SCNN1A: variants seen among roughly 807,000 people sequenced by gnomAD.
SCNN1A encodes epithelial sodium channel subunit alpha.
Under a neutral mutation model 68.6 loss-of-function variants are expected in SCNN1A, and 65 were observed. The ratio of observed to expected loss-of-function variants is 0.95; its 90% confidence interval spans 0.78 to 1.16. The LOEUF is 1.16. Ranked by LOEUF, SCNN1A falls within the 50% of genes most tolerant of loss-of-function variation. The pLI is 0.00. For missense variants in SCNN1A, 880 were observed against 865.9 expected, an observed-to-expected ratio of 1.02 and a Z score of -0.20; for synonymous variants, 357 against 353.3, an observed-to-expected ratio of 1.01 and a Z score of -0.12.
chr12:6,348,331 C>G (rs1948301168), intron 12 of SCNN1A, 78 bp from the exon 13 acceptor site: 2 of 1,606,716 alleles, frequency 1.2e-6, no homozygotes. Context: ...CTTCCCTCCT[C>G]ACCAAGCTGT....
At position 6,372,866 on chromosome 12, in the gene SCNN1A, TAA is replaced by T. The variant is rs1948818824; in HGVS notation, c.416+1500_416+1501del. ...ACTCAAAGCCCCACATCTTGGGTAT[TAA>T]AAAGAGGCAGAGTTTTGGGATTAGG... On this transcript the variant is annotated intron_variant, in intron 2 of 12. Coordinates refer to ENST00000228916, the MANE Select transcript of SCNN1A (RefSeq NM_001038.6). The surrounding 1 kb of genome is among the most constrained non-coding windows in gnomAD (Gnocchi z 5.8). Among the ~76,000 whole-genome samples, 1 of 152,190 alleles carries T rather than the reference TAA, an allele frequency of 6.6e-6. No individual in the cohort carries two copies. Among genetic ancestry groups the T allele is most frequent in the Admixed American group, 6.5e-5 (1 of 15,280 alleles).
At chr12:6,370,324 C>G (rs1479565723) in intron 2 of SCNN1A, among the ~76,000 whole-genome samples, 2 of 152,190 alleles carry the variant, frequency 1.3e-5, no homozygotes, top group East Asian at 3.9e-4. Flanking sequence ...CCTCCCAGCT[C>G]TGAAGCATCT....
chr12:6,349,140 A>G (rs564498487), intron 10 of SCNN1A, 24 bp downstream of exon 10: 1 of 1,610,434 alleles, frequency 6.2e-7, no homozygotes, highest in Admixed American at 1.7e-5. Context: ...CACATCCCCC[A>G]CCCATCCCTT....
rs1437812086 is a variant in SCNN1A at position 6,351,828 on chromosome 12, T to C, written c.1361-2423A>G. ...AGGCTGGAGTGCAGTGGCCTGATCATGGCTCACTGCAGCCTTGACCTCCTG... is the reference window on the plus strand; with the variant it reads ...AGGCTGGAGTGCAGTGGCCTGATCACGGCTCACTGCAGCCTTGACCTCCTG... On this transcript the variant is annotated intron_variant, in intron 8 of 12. Coordinates refer to ENST00000228916, the MANE Select transcript of SCNN1A (RefSeq NM_001038.6). The surrounding 1 kb of genome is among the most constrained non-coding windows in gnomAD (Gnocchi z 4.2). 6.6e-5 allele frequency among the ~76,000 whole-genome samples: 10 copies of C among 151,968 alleles called. No individual in the cohort carries two copies. Among genetic ancestry groups the C allele is most frequent in the Admixed American group, 4.6e-4 (7 of 15,256 alleles).
Position 6,375,528 on chromosome 12 carries a change from G to A in SCNN1A, c.-78C>T. 1.3e-6 allele frequency: 2 copies of A among 1,535,380 alleles called. No homozygotes were observed. Among genetic ancestry groups the A allele is most frequent in the South Asian group, 2.4e-5 (2 of 84,050 alleles). ...ACCTGACAGGTGCAGCGGCCTGGCTGGGGAGCCCGCCCGCTGGCCGGCCAG... is the reference window on the plus strand; with the variant it reads ...ACCTGACAGGTGCAGCGGCCTGGCTAGGGAGCCCGCCCGCTGGCCGGCCAG... On this transcript the variant is annotated 5_prime_UTR_variant, in exon 1 of 13. Transcript: ENST00000228916.
Position 6,349,167 on chromosome 12 carries a change from G to A in SCNN1A, c.1494C>T (p.Ser498=). The change falls in exon 10 of 13, where the codon TCC becomes TCT. Residue 498 remains serine (S), a synonymous_variant. Transcript: ENST00000228916. ...AGYSRWPSVT[S]QEWVFQMLSR... The stretch of plus-strand genomic sequence containing the variant: ...CCATCCCTTCCCCACACTCTACCTG[G>A]GATGTCACCGAGGGCCATCGTGAGT... 5 of 1,613,948 alleles carry A rather than the reference G, an allele frequency of 3.1e-6. No individual in the cohort carries two copies. The highest frequency in any genetic ancestry group is 1.1e-5 in the South Asian group (1 of 91,080).
intron 8 of SCNN1A, among the ~76,000 whole-genome samples, chr12:6,352,877 C>T (rs921937281): frequency 2.6e-5 from 4 of 152,216 alleles, no homozygotes; most frequent in East Asian, 1.9e-4. Flanking sequence ...TGAGACAATC[C>T]GCTGCCTTTG....
chr12:6,367,867 G>A (rs571233267), intron 2 of SCNN1A, among the ~76,000 whole-genome samples: 6 of 152,134 alleles, frequency 3.9e-5, no homozygotes, highest in Non-Finnish European at 8.8e-5. Flanking sequence ...ATTAACCACC[G>A]TCTAGTCCAG....
chr12:6,353,699 C>G (rs1398653863), intron 8 of SCNN1A: 1 of 87,030 alleles, frequency 1.1e-5, no homozygotes, highest in Non-Finnish European at 2.0e-5. Flanking sequence ...ACACCATTCT[C>G]CTGCCTCAGC....
chr12:6,366,514 C>T (rs1461078289), intron 2 of SCNN1A, among the ~76,000 whole-genome samples: 2 of 152,152 alleles, frequency 1.3e-5, no homozygotes, highest in Non-Finnish European at 2.9e-5. Flanking sequence ...AAGATTTGTA[C>T]ATGAGGCTGG....
At position 6,374,917 on chromosome 12, in the gene SCNN1A, A is replaced by T. The variant is rs1301113847; in HGVS notation, c.-54-80T>A. ...CTCTGGGCCCTGAGTGCCCTCTCCC[A>T]TCACCCCTGGAACCCGAGTGAGGCT... On this transcript the variant is annotated intron_variant, in intron 1 of 12. Transcript: ENST00000228916. This position sits in a 1 kb window ranked among gnomAD's most constrained non-coding sequence, Gnocchi z 6.2. The T allele has an allele frequency of 6.2e-7, 1 of 1,607,402 alleles. No homozygotes were observed. The highest frequency in any genetic ancestry group is 8.5e-7 in the Non-Finnish European group (1 of 1,176,742).
In SCNN1A at chr12:6,354,745, C is replaced by A. The variant is rs1368948108; in HGVS notation, c.1242+5G>T. ...TGGCTGCCACGGAATCAGGTTGGGC[C>A]TCACCTGCTGTGTGTACTTTGAAGG... On this transcript the variant is annotated splice_donor_5th_base_variant and intron_variant, in intron 7 of 12. Coordinates refer to ENST00000228916, the MANE Select transcript of SCNN1A (RefSeq NM_001038.6). 4 of 1,612,518 alleles carry A rather than the reference C, an allele frequency of 2.5e-6. 1 individual carries two copies. The Admixed American group carries it at 6.7e-5, about 27-fold the overall frequency.
At chr12:6,373,095 A>G (rs1948821902) in intron 2 of SCNN1A, among the ~76,000 whole-genome samples, 1 of 152,054 alleles carries the variant, frequency 6.6e-6, no homozygotes, top group Non-Finnish European at 1.5e-5. Flanking sequence ...CCTACCTGGG[A>G]CATTATACAG....
chr12:6,374,572 GC>G lies in SCNN1A; in HGVS notation c.211del (p.Ala71ProfsTer12), dbSNP rs1213537718. The G allele has an allele frequency of 1.9e-6, 3 of 1,614,038 alleles. No individual in the cohort carries two copies. Among genetic ancestry groups the G allele is most frequent in the Non-Finnish European group, 2.5e-6 (3 of 1,180,034 alleles). ...GTGCTGGGAGCACACCAGGCGGATG[GC>G]GCCGTGGATGGTGGTGTTGTTGCAG... ...FFCNNTTIHG[A>X]IRLVCSQHNR... On this transcript the variant is annotated frameshift_variant, in exon 2 of 13. Coordinates refer to ENST00000228916, the MANE Select transcript of SCNN1A (RefSeq NM_001038.6). LOFTEE classifies it high-confidence loss of function. This position sits in a 1 kb window ranked among gnomAD's most constrained non-coding sequence, Gnocchi z 6.2.
chr12:6,348,082 C>G lies in SCNN1A; in HGVS notation c.1801G>C (p.Gly601Arg), dbSNP rs755287192. The stretch of plus-strand genomic sequence containing the variant: ...AGGGTGGAGGCTACCTCCTGAGCAC[C>G]CCTGCCCCCTCGGCCTGGAGACCAG... ...RYWSPGRGGR[G>R]AQEVASTLAS... The change falls in exon 13 of 13, where the codon GGT becomes CGT. Residue 601 changes from glycine (G) to arginine (R), a missense_variant. Physicochemically the swap from Gly to Arg is moderately radical, Grantham distance 125. Around this residue, in one of 3 missense-constraint regions of SCNN1A, gnomAD observed 758 missense variants for 721.8 expected, o/e 1.05. Transcript: ENST00000228916. 50 of 1,613,926 alleles carry G rather than the reference C, an allele frequency of 3.1e-5. No individual in the cohort carries two copies. Among genetic ancestry groups the G allele is most frequent in the Non-Finnish European group, 3.8e-5 (45 of 1,179,986 alleles).
Position 6,347,331 on chromosome 12 carries a change from C to T in SCNN1A, c.*542G>A, listed in dbSNP as rs920293100. 19 of 166,042 alleles carry T rather than the reference C, an allele frequency of 1.1e-4. No homozygotes were observed. Among genetic ancestry groups the T allele is most frequent in the African/African-American group, 2.4e-4 (10 of 41,578 alleles). The allele number at this position is 166,042 out of a possible 1,614,324, so 10.3% of individuals were successfully genotyped here. ...CCGGGTCTGCTCTAGCCCTAGCCCT[C>T]GGGAGTCAGGGAAGGGGAATTGCCT... On this transcript the variant is annotated 3_prime_UTR_variant, in exon 13 of 13. Transcript: ENST00000228916.
chr12:6,349,536 T>A, intron 8 of SCNN1A, 131 bp from the exon 9 acceptor site: 2 of 719,040 alleles, frequency 2.8e-6, no homozygotes, highest in South Asian at 1.5e-5. Flanking sequence ...TGATGCCTTA[T>A]GAGTGGCAGT....
chr12:6,361,619 T>C (rs1413523048), intron 4 of SCNN1A, among the ~76,000 whole-genome samples: 3 of 152,138 alleles, frequency 2.0e-5, no homozygotes, highest in Non-Finnish European at 4.4e-5. Context: ...GGCGCATGAC[T>C]GTAATCCCAG....
chr12:6,352,200 G>A (rs1283619384), intron 8 of SCNN1A, among the ~76,000 whole-genome samples: 1 of 152,060 alleles, frequency 6.6e-6, no homozygotes, highest in African/African-American at 2.4e-5. Flanking sequence ...TGAGTGAAAT[G>A]TATGGGATAT....
Sources: allele counts gnomAD v4.1 joint callset (sites outside exome capture counted in the v4.1 genomes callset), GRCh38; gene constraint gnomAD v4.1.1; regional missense constraint gnomAD v4.1.1; non-coding constraint Gnocchi (gnomAD v3.1); transcripts MANE v1.5; gene names NCBI Gene and HGNC (gene_info 2026-07-23, HGNC 2026-07-21).